DNAH17: variants seen among roughly 807,000 people sequenced by gnomAD.
The protein encoded by DNAH17 is axonemal beta dynein heavy chain 17.
Under a neutral mutation model 485.6 loss-of-function variants are expected in DNAH17, and 376 were observed. That is an observed-to-expected ratio of 0.77 (90% CI 0.71 to 0.84). The LOEUF (loss-of-function observed/expected upper bound fraction) is 0.84. Ranked by LOEUF, DNAH17 falls within the 40% of genes least tolerant of loss-of-function variation. The probability of loss-of-function intolerance (pLI) is 0.00; values close to 1 mark genes in which losing one functional copy is unlikely to be tolerated. For synonymous variants in DNAH17, 3,031 were observed against 2,405.9 expected (o/e 1.26, Z -7.60); for missense variants, 6,370 against 5,839.3 (o/e 1.09, Z -2.96).
At chr17:78,576,831 C>G (rs371318824) in intron 1 of DNAH17, among the ~76,000 whole-genome samples, 1 of 152,232 alleles carries the variant, frequency 6.6e-6, no homozygotes, top group Non-Finnish European at 1.5e-5. Context: ...CCCTACACCC[C>G]GCAAGTTTCT....
chr17:78,446,988 G>C (rs1271658001), intron 69 of DNAH17, among the ~76,000 whole-genome samples: 1 of 152,128 alleles, frequency 6.6e-6, no homozygotes, highest in Non-Finnish European at 1.5e-5. Context: ...GCCCCGGCTG[G>C]AGTGTAGTGC....
chr17:78,541,401 G>A (rs999010349), intron 17 of DNAH17, among the ~76,000 whole-genome samples: 2 of 149,548 alleles, frequency 1.3e-5, no homozygotes, highest in African/African-American at 2.5e-5. Flanking sequence ...GGATGGATGG[G>A]TGGATGGTTG....
At chr17:78,426,183 T>G (rs72914880) in intron 79 of DNAH17, among the ~76,000 whole-genome samples, 23,925 of 152,268 alleles carry the variant, frequency 0.16, 2,018 homozygotes, top group Middle Eastern at 0.2. Context: ...TCGCTCCTTA[T>G]AGAGGACGGC....
chr17:78,448,777 G>GT (rs2087423009), intron 69 of DNAH17, among the ~76,000 whole-genome samples: 1 of 152,160 alleles, frequency 6.6e-6, no homozygotes, highest in Non-Finnish European at 1.5e-5. Context: ...AGTTTGGCCC[G>GT]TTTTGTGCTC....
At position 78,455,683 on chromosome 17, in the gene DNAH17, C is replaced by T. The variant is rs143059049; in HGVS notation, c.10131G>A (p.Leu3377=). The T allele has an allele frequency of 1.9e-6, 3 of 1,573,608 alleles. No homozygotes were observed. The highest frequency in any genetic ancestry group is 2.7e-5 in the African/African-American group (2 of 73,552). Reference sequence around the variant, plus strand: ...TGTAAGGGATCCAGAATTTCTCCATCAGCTCATTCCGGTATTTCTTGGTGA... The same window carrying T: ...TGTAAGGGATCCAGAATTTCTCCATTAGCTCATTCCGGTATTTCTTGGTGA... The part of the protein sequence containing the change: ...GYFTKKYRNE[L]MEKFWIPYIH... Residue 3377 remains leucine (L), a synonymous_variant, in exon 63 of 81, where the codon CTG becomes CTA. Transcript: ENST00000389840.
chr17:78,530,445 C>T lies in DNAH17; in HGVS notation c.3182G>A (p.Trp1061Ter), dbSNP rs773643509. ...KCENTKVFHG[W>*]LQCDCRPFKQ... ...GAAGGGGCGGCAGTCGCACTGCAGC[C>T]AGCCGTGGAACACCTTGGTGTTCTC... is the stretch of plus-strand genomic sequence containing the variant. Residue 1061 changes from tryptophan to a stop codon, truncating the protein, a stop_gained, in exon 21 of 81, where the codon TGG becomes TAG. Coordinates refer to ENST00000389840, the MANE Select transcript of DNAH17 (RefSeq NM_173628.4). LOFTEE classifies it high-confidence loss of function. 1 of 1,613,648 alleles carries T rather than the reference C, an allele frequency of 6.2e-7. No homozygotes were observed. Among genetic ancestry groups the T allele is most frequent in the East Asian group, 2.2e-5 (1 of 44,870 alleles).
intron 25 of DNAH17, among the ~76,000 whole-genome samples, chr17:78,515,875 C>A (rs1389860474): frequency 6.6e-6 from 1 of 152,216 alleles, no homozygotes; most frequent in Non-Finnish European, 1.5e-5. Flanking sequence ...AGTAACGCAG[C>A]TTCCACTGAC....
intron 25 of DNAH17, among the ~76,000 whole-genome samples, chr17:78,521,797 G>A (rs1440588650): frequency 4.6e-5 from 7 of 152,150 alleles, no homozygotes; most frequent in African/African-American, 1.7e-4. Flanking sequence ...GACCAGCCTG[G>A]TCAACATGAT....
intron 18 of DNAH17, among the ~76,000 whole-genome samples, chr17:78,539,033 C>A (rs1050433212): frequency 2.6e-5 from 4 of 152,092 alleles, no homozygotes; most frequent in Non-Finnish European, 5.9e-5. Flanking sequence ...GAATTCAAGA[C>A]CAGCCTGGCT....
At chr17:78,456,005 A>AATC (rs932684411) in intron 62 of DNAH17, among the ~76,000 whole-genome samples, 169 bp from the exon 63 acceptor site, 51 of 152,300 alleles carry the variant, frequency 3.3e-4, no homozygotes, top group African/African-American at 1.2e-3. Flanking sequence ...GAGAAGCCCG[A>AATC]ATCATGCTTT....
intron 57 of DNAH17, 151 bp downstream of exon 57, chr17:78,462,693 A>C (rs1281789897): frequency 1.4e-6 from 1 of 708,598 alleles, no homozygotes; most frequent in East Asian, 2.7e-5. Context: ...CCTAGGAGTA[A>C]ATGCTTCTCA....
rs1271727644 is a variant in DNAH17, at chr17:78,526,951, C to T, written c.3553G>A (p.Val1185Met). Residue 1185 changes from valine to methionine, a missense_variant, in exon 23 of 81, where the codon GTG (valine) becomes ATG (methionine). Val to Met is a conservative substitution (Grantham distance 21). Coordinates refer to ENST00000389840, the MANE Select transcript of DNAH17 (RefSeq NM_173628.4). ...TGGAGTGGTGCCACGGTCAGCTTCA[C>T]CTGAATGGCCAGTTTCTTGGTATTT... ...WANTKKLAIQ[V>M]KLTVAPLQAN... 21 of 1,588,664 alleles carry T rather than the reference C, an allele frequency of 1.3e-5. No individual in the cohort carries two copies. Among genetic ancestry groups the T allele is most frequent in the Non-Finnish European group, 1.8e-5 (21 of 1,167,280 alleles).
At chr17:78,508,192 G>A (rs1220517361) in intron 27 of DNAH17, among the ~76,000 whole-genome samples, 1 of 152,190 alleles carries the variant, frequency 6.6e-6, no homozygotes, top group Non-Finnish European at 1.5e-5. Flanking sequence ...AGAGGCACTT[G>A]AAGGGCAGCA....
intron 54 of DNAH17, among the ~76,000 whole-genome samples, chr17:78,474,901 G>GCCGGA: frequency 7.4e-6 from 1 of 134,846 alleles, no homozygotes; most frequent in Middle Eastern, 3.7e-3. Context: ...CATGGGCCGG[G>GCCGGA]AGGTTTCACA....
At chr17:78,501,491 C>A (rs1168195269) in intron 34 of DNAH17, 147 bp from the exon 35 acceptor site, 15 of 1,067,762 alleles carry the variant, frequency 1.4e-5, no homozygotes, top group Non-Finnish European at 2.0e-5. Context: ...CCACATCCAA[C>A]TGTATGGCCA....
chr17:78,512,619 A>ACCGCCCC (rs1487784676), intron 26 of DNAH17, among the ~76,000 whole-genome samples: 2 of 152,016 alleles, frequency 1.3e-5, no homozygotes, highest in Non-Finnish European at 2.9e-5. Context: ...AAGGAGTCCC[A>ACCGCCCC]CCGCCCCCTC....
At chr17:78,543,808 C>T (rs536160005) in intron 17 of DNAH17, 49 bp downstream of exon 17, 2 of 1,613,458 alleles carry the variant, frequency 1.2e-6, no homozygotes, top group African/African-American at 1.3e-5. Context: ...TCTCTCCTCC[C>T]TGCTAAAAGC....
In DNAH17 at chr17:78,558,192, G is replaced by C; in HGVS notation, c.2094C>G (p.Asp698Glu). ...TCTCTGAGAACAGACTCTCCGCACT[G>C]TCTGGAATCTCTTTCTGTTGCTGGA... ...LNFQQQKEIPDSAESLFSENE... is the reference protein window; with the variant it reads ...LNFQQQKEIPESAESLFSENE... The change falls in exon 14 of 81, where the codon GAC (aspartate) becomes GAG (glutamate). Residue 698 changes from aspartate (D) to glutamate (E), a missense_variant. Coordinates refer to ENST00000389840, the MANE Select transcript of DNAH17 (RefSeq NM_173628.4). The C allele has an allele frequency of 6.2e-7, 1 of 1,613,858 alleles. No homozygotes were observed. The highest frequency in any genetic ancestry group is 8.5e-7 in the Non-Finnish European group (1 of 1,179,836).
intron 20 of DNAH17, 110 bp downstream of exon 20, chr17:78,532,372 C>T: frequency 7.0e-7 from 1 of 1,421,764 alleles, no homozygotes; most frequent in Non-Finnish European, 9.3e-7. Flanking sequence ...CTTGCCCTAC[C>T]TGGAAACCTG....
Sources: allele counts gnomAD v4.1 joint callset (sites outside exome capture counted in the v4.1 genomes callset), GRCh38; gene constraint gnomAD v4.1.1; transcripts MANE v1.5; gene names NCBI Gene and HGNC (gene_info 2026-07-23, HGNC 2026-07-21).